The following CERS6 variants were observed in gnomAD, a reference collection of about 807,000 sequenced individuals.
The protein encoded by CERS6 is ceramide synthase 6, also known as LAG1 homolog, ceramide synthase 6.
Under a neutral mutation model 56.8 loss-of-function variants are expected in CERS6, and 26 were observed. That is an observed-to-expected ratio of 0.46 (90% confidence interval 0.34 to 0.63). The LOEUF (loss-of-function observed/expected upper bound fraction) is 0.63. Among genes scored for constraint, CERS6 ranks in the 30% least tolerant of loss-of-function variants. CERS6 has a pLI of 0.01. For synonymous variants in CERS6, 164 were observed against 173.3 expected (o/e 0.95, Z 0.42); for missense variants, 415 against 467.5 (o/e 0.89, Z 1.04).
intron 3 of CERS6, among the ~76,000 whole-genome samples, chr2:168,567,497 A>G (rs1291552871): frequency 6.6e-6 from 1 of 152,236 alleles, no homozygotes; most frequent in African/African-American, 2.4e-5. Flanking sequence ...ATTTATGGAT[A>G]CTGAAATTTG....
At position 168,547,661 on chromosome 2, in the gene CERS6, C is replaced by G. The variant is rs1043640878; in HGVS notation, c.236C>G (p.Pro79Arg). ...GCCAATGGACCACAAATTGCTCCGC[C>G]CAATGCCATTCTGGAAAAGGTCTTC... ...IQANGPQIAP[P>R]NAILEKVFTA... Residue 79 changes from proline (P) to arginine (R), a missense_variant, in exon 2 of 10, where the codon CCC (proline) becomes CGC (arginine). By Grantham distance (103) the Pro-to-Arg change is moderately radical. Transcript: ENST00000305747. The G allele has an allele frequency of 3.7e-6, 6 of 1,613,594 alleles. No homozygotes were observed. In the Admixed American group the frequency reaches 1.0e-4, roughly 27 times the overall value.
chr2:168,549,944 G>A (rs772303062), intron 2 of CERS6, among the ~76,000 whole-genome samples: 1 of 152,016 alleles, frequency 6.6e-6, no homozygotes, highest in African/African-American at 2.4e-5. Context: ...GCCTTACCAC[G>A]GTTTGAGCTG....
chr2:168,743,998 T>TC (rs1216119013), intron 8 of CERS6, among the ~76,000 whole-genome samples: 7 of 48,406 alleles, frequency 1.4e-4, no homozygotes, highest in African/African-American at 3.6e-4. Flanking sequence ...TTTTTTTCTT[T>TC]TTTTTTTTTT....
At chr2:168,544,337 C>A (rs1449296473) in intron 1 of CERS6, among the ~76,000 whole-genome samples, 2 of 152,102 alleles carry the variant, frequency 1.3e-5, no homozygotes. Context: ...CTTCCATTTC[C>A]CTGGAAGTAG....
At chr2:168,463,247 A>G (rs1693808968) in intron 1 of CERS6, among the ~76,000 whole-genome samples, 1 of 152,212 alleles carries the variant, frequency 6.6e-6, no homozygotes. Flanking sequence ...ATATCATTCA[A>G]TCATACTGTA....
intron 3 of CERS6, among the ~76,000 whole-genome samples, chr2:168,571,205 C>G (rs1366941455): frequency 6.6e-6 from 1 of 152,174 alleles, no homozygotes; most frequent in Non-Finnish European, 1.5e-5. Context: ...TCCTTCCTCC[C>G]TCCTTTGCAG....
At chr2:168,657,660 C>T in intron 4 of CERS6, among the ~76,000 whole-genome samples, 1 of 152,236 alleles carries the variant, frequency 6.6e-6, no homozygotes, top group Admixed American at 6.5e-5. Context: ...ACTCAGTACA[C>T]CCTCCGCAGC....
chr2:168,731,584 A>G (rs557216115), intron 8 of CERS6, among the ~76,000 whole-genome samples: 151 of 152,210 alleles, frequency 9.9e-4, no homozygotes, highest in African/African-American at 3.5e-3. Flanking sequence ...GTGATGTTCA[A>G]GTATCATTTG....
At chr2:168,498,055 CT>C (rs1337905286) in intron 1 of CERS6, among the ~76,000 whole-genome samples, 2 of 152,158 alleles carry the variant, frequency 1.3e-5, no homozygotes, top group African/African-American at 4.8e-5. Flanking sequence ...CTTCACGGCC[CT>C]ATTTCTTACC....
rs1038202245 is a variant in CERS6, at chr2:168,646,641, C to T, written c.465+15599C>T. On this transcript the variant is annotated intron_variant, in intron 4 of 9. Coordinates refer to ENST00000305747, the MANE Select transcript of CERS6 (RefSeq NM_203463.3). Reference sequence around the variant, plus strand: ...CCTGTGTCCAGGATGGTATCACCTACGTTGTTTTCCAGGGTTTTTATAGTT... The same window carrying T: ...CCTGTGTCCAGGATGGTATCACCTATGTTGTTTTCCAGGGTTTTTATAGTT... 8.5e-5 allele frequency among the ~76,000 whole-genome samples: 13 copies of T among 152,246 alleles called. No homozygotes were observed. The South Asian group carries it at 1.0e-3, about 12-fold the overall frequency.
intron 4 of CERS6, among the ~76,000 whole-genome samples, chr2:168,657,858 G>A (rs531659059): frequency 6.8e-4 from 104 of 152,352 alleles, no homozygotes; most frequent in Non-Finnish European, 1.0e-3. Context: ...AGTGGGCTCT[G>A]GCCTTGGCCA....
intron 8 of CERS6, among the ~76,000 whole-genome samples, chr2:168,762,414 G>A (rs7571958): frequency 0.057 from 8,739 of 152,120 alleles, 842 homozygotes; most frequent in African/African-American, 0.2. Context: ...TGGTTTTCCT[G>A]ATTTTAAAGG....
At chr2:168,484,924 C>G (rs1694249007) in intron 1 of CERS6, among the ~76,000 whole-genome samples, 1 of 152,150 alleles carries the variant, frequency 6.6e-6, no homozygotes, top group South Asian at 2.1e-4. Context: ...CATAGTGGAA[C>G]AGAATGTACC....
chr2:168,500,058 C>T (rs1694552327), intron 1 of CERS6, among the ~76,000 whole-genome samples: 3 of 152,086 alleles, frequency 2.0e-5, no homozygotes, highest in Admixed American at 2.0e-4. Context: ...TGGGGGATCA[C>T]AAGTGATACC....
rs866804197 is a variant in CERS6, at chr2:168,645,152, G to C, written c.465+14110G>C. On this transcript the variant is annotated intron_variant, in intron 4 of 9. Transcript: ENST00000305747. ...ATATATATATATATATAGAGAGAGA[G>C]AGAGAGAGAGAGAGAGAGAGAGAGA... Among the ~76,000 whole-genome samples the C allele has an allele frequency of 7.6e-3, 508 of 67,220 alleles. 59 individuals are homozygous for C. The highest frequency in any genetic ancestry group is 0.046 in the African/African-American group (497 of 10,824). 44.1% of individuals were successfully genotyped at this position (67,220 alleles called of 152,430 possible).
intron 7 of CERS6, among the ~76,000 whole-genome samples, chr2:168,717,139 T>C (rs1687245005): frequency 6.6e-6 from 1 of 152,192 alleles, no homozygotes; most frequent in Non-Finnish European, 1.5e-5. Flanking sequence ...TAATTTATAA[T>C]ATAAAAAGTC....
At chr2:168,581,643 T>C (rs1683413588) in intron 3 of CERS6, among the ~76,000 whole-genome samples, 1 of 152,196 alleles carries the variant, frequency 6.6e-6, no homozygotes, top group African/African-American at 2.4e-5. Flanking sequence ...TTTAAAAACC[T>C]GCTTGTTCAG....
chr2:168,699,108 G>A (rs1433947149), intron 6 of CERS6, among the ~76,000 whole-genome samples: 10 of 152,110 alleles, frequency 6.6e-5, no homozygotes, highest in South Asian at 2.1e-4. Context: ...TCCCCTTTGC[G>A]TCTTGCTGAA....
chr2:168,505,759 G>A (rs1472739039), intron 1 of CERS6, among the ~76,000 whole-genome samples: 2 of 152,198 alleles, frequency 1.3e-5, no homozygotes, highest in Admixed American at 1.3e-4. Flanking sequence ...TTCTTGTAAT[G>A]AAGTAAGGAA....
Sources: allele counts gnomAD v4.1 joint callset (sites outside exome capture counted in the v4.1 genomes callset), GRCh38; gene constraint gnomAD v4.1.1; transcripts MANE v1.5; gene names NCBI Gene and HGNC (gene_info 2026-07-23, HGNC 2026-07-21).